ARHGEF37: variants seen among roughly 807,000 people sequenced by gnomAD.
The protein encoded by ARHGEF37 is Rho guanine nucleotide exchange factor 37.
Under a neutral mutation model 71.1 loss-of-function variants are expected in ARHGEF37, and 55 were observed. That is an observed-to-expected ratio of 0.77 (90% CI 0.62 to 0.97). The LOEUF (loss-of-function observed/expected upper bound fraction) is 0.97. Among genes scored for constraint, ARHGEF37 ranks in the 50% least tolerant of loss-of-function variants. ARHGEF37 has a pLI of 0.00. For missense variants in ARHGEF37, 765 were observed against 836.8 expected (o/e 0.91, Z 1.06); for synonymous variants, 327 against 350.6 (o/e 0.93, Z 0.75).
intron 12 of ARHGEF37, among the ~76,000 whole-genome samples, chr5:149,631,747 T>C (rs1752889941): frequency 6.6e-6 from 1 of 152,220 alleles, no homozygotes; most frequent in Admixed American, 6.5e-5. Flanking sequence ...ATAGAATTAT[T>C]GTGAGAACCC....
Position 149,597,956 on chromosome 5 carries a change from G to A in ARHGEF37, c.186+1G>A, listed in dbSNP as rs201027966. The A allele has an allele frequency of 2.9e-4, 462 of 1,579,750 alleles. 5 individuals carry two copies. Among genetic ancestry groups the A allele is most frequent in the Non-Finnish European group, 6.0e-5 (70 of 1,164,022 alleles). ...TGACATCAGGAGCCGCCTCCAGCAG[G>A]TACTTGGGTGGGGTCACACACAACC... On this transcript the variant is annotated splice_donor_variant, in intron 2 of 12. Transcript: ENST00000333677. LOFTEE classifies it high-confidence loss of function.
upstream of ARHGEF37, among the ~76,000 whole-genome samples, chr5:149,579,089 A>T (rs532348436): frequency 1.8e-4 from 28 of 152,344 alleles, no homozygotes; most frequent in African/African-American, 6.3e-4. Context: ...GTTGACACTT[A>T]CGTCTAAAAC....
At chr5:149,592,766 G>C (rs958231989) in intron 1 of ARHGEF37, among the ~76,000 whole-genome samples, 21 of 151,650 alleles carry the variant, frequency 1.4e-4, no homozygotes, top group African/African-American at 5.1e-4. Flanking sequence ...TGGTTTGTTT[G>C]TTTTTGTTTT....
intron 3 of ARHGEF37, among the ~76,000 whole-genome samples, chr5:149,605,025 G>A (rs758044253): frequency 7.9e-5 from 12 of 151,660 alleles, no homozygotes; most frequent in African/African-American, 1.7e-4. Flanking sequence ...TCAGGAGTTC[G>A]AGACCAGCTT....
chr5:149,612,533 A>C (rs1488953747), intron 4 of ARHGEF37, among the ~76,000 whole-genome samples: 1 of 152,240 alleles, frequency 6.6e-6, no homozygotes, highest in Non-Finnish European at 1.5e-5. Flanking sequence ...TGGGATTTAT[A>C]AAAGATAGTG....
intron 1 of ARHGEF37, among the ~76,000 whole-genome samples, chr5:149,573,739 A>C (rs1427062582): frequency 6.6e-6 from 1 of 152,162 alleles, no homozygotes; most frequent in African/African-American, 2.4e-5. Flanking sequence ...GATTCAGTAG[A>C]TTATATATGC....
intron 3 of ARHGEF37, among the ~76,000 whole-genome samples, chr5:149,605,193 C>G (rs1018099476): frequency 6.9e-6 from 1 of 145,018 alleles, no homozygotes; most frequent in South Asian, 2.1e-4. Flanking sequence ...TGCCACTGCA[C>G]TGCAGCCTGG....
At chr5:149,598,761 T>TATATATATATATATATATATAG (rs1554122094) in intron 2 of ARHGEF37, among the ~76,000 whole-genome samples, 1 of 75,794 alleles carries the variant, frequency 1.3e-5, no homozygotes, top group African/African-American at 4.9e-5. Context: ...TATATATAGA[T>TATATATATATATATATATATAG]ATAGATATAG....
chr5:149,629,657 C>A (rs1346540355), intron 12 of ARHGEF37, among the ~76,000 whole-genome samples: 2 of 152,144 alleles, frequency 1.3e-5, no homozygotes, highest in Non-Finnish European at 2.9e-5. Flanking sequence ...GAGAGGTGGG[C>A]AGGGACAGGC....
chr5:149,559,922 A>G (rs951814447), intron 1 of ARHGEF37, among the ~76,000 whole-genome samples: 12 of 152,194 alleles, frequency 7.9e-5, no homozygotes, highest in Admixed American at 2.6e-4. Context: ...GTTTTATGAC[A>G]TAGCTAACAA....
intron 3 of ARHGEF37, chr5:149,606,718 G>A (rs548561261): frequency 7.2e-5 from 11 of 152,256 alleles, no homozygotes; most frequent in East Asian, 1.9e-4. Flanking sequence ...CAACTTTAGC[G>A]TATATGATGC....
upstream of ARHGEF37, among the ~76,000 whole-genome samples, chr5:149,577,200 A>G (rs1763037416): frequency 6.6e-6 from 1 of 152,200 alleles, no homozygotes; most frequent in Admixed American, 6.5e-5. Context: ...TGCAAATAAT[A>G]TCTATCATAG....
rs1228321752 is a variant in ARHGEF37 at position 149,555,003 on chromosome 5, C to T, written c.-12+2880C>T. Among the ~76,000 whole-genome samples the T allele has an allele frequency of 2.6e-5, 4 of 151,804 alleles. No homozygotes were observed. In the East Asian group the frequency reaches 5.8e-4, roughly 22 times the overall value. On this transcript the variant is annotated intron_variant, in intron 1 of 2. Coordinates refer to the ARHGEF37 transcript ENST00000505810. The stretch of plus-strand genomic sequence containing the variant: ...AAAATTAGCCGGGCGTGGTGGCAGG[C>T]GCCTGTAGTCCCAGCTACTCAGGAG...
chr5:149,618,103 C>T lies in ARHGEF37; in HGVS notation c.659-73C>T, dbSNP rs532086071. 3.9e-4 allele frequency: 622 copies of T among 1,587,002 alleles called. 5 individuals carry two copies. In the South Asian group the frequency reaches 6.0e-3, roughly 15 times the overall value. Reference sequence around the variant, plus strand: ...CAGAGGGCCCAAGCAGGTGCCCAGCCGGGCATGTCCGTGACATCCACTTTC... The same window carrying T: ...CAGAGGGCCCAAGCAGGTGCCCAGCTGGGCATGTCCGTGACATCCACTTTC... On this transcript the variant is annotated intron_variant, in intron 5 of 12. Transcript: ENST00000333677.
At chr5:149,578,550 C>T (rs1347055827), upstream of ARHGEF37, among the ~76,000 whole-genome samples, 1 of 152,104 alleles carries the variant, frequency 6.6e-6, no homozygotes, top group Non-Finnish European at 1.5e-5. Context: ...CTACTATGCA[C>T]AAGGCATTAT....
chr5:149,632,145 C>T lies in ARHGEF37; in HGVS notation c.1982C>T (p.Ala661Val), dbSNP rs1424688618. The T allele has an allele frequency of 2.5e-6, 4 of 1,614,118 alleles. No individual in the cohort carries two copies. In the African/African-American group the frequency reaches 4.0e-5, roughly 16 times the overall value. The change falls in exon 13 of 13, where the codon GCC becomes GTC. Residue 661 changes from alanine to valine, a missense_variant. Physicochemically the swap from Ala to Val is moderately conservative, Grantham distance 64 (BLOSUM62 0). Transcript: ENST00000333677. ...GGTTATGTGCCTTCTGGCTTCTTGG[C>T]CAGGGCTCGGAGCCCAGTTCTGTGG... ...QRGYVPSGFL[A>V]RARSPVLWGW...
At chr5:149,561,588 C>T (rs1419835038) in intron 1 of ARHGEF37, among the ~76,000 whole-genome samples, 1 of 152,148 alleles carries the variant, frequency 6.6e-6, no homozygotes, top group Admixed American at 6.5e-5. Context: ...ATCAATGTTC[C>T]ATCTACTCAT....
At chr5:149,599,226 T>TG (rs1190643326) in intron 2 of ARHGEF37, among the ~76,000 whole-genome samples, 1 of 152,112 alleles carries the variant, frequency 6.6e-6, no homozygotes, top group Non-Finnish European at 1.5e-5. Context: ...CAGCAGGGGC[T>TG]GGGGGAGCCA....
At chr5:149,589,856 G>A (rs1763352154) in intron 1 of ARHGEF37, among the ~76,000 whole-genome samples, 1 of 151,508 alleles carries the variant, frequency 6.6e-6, no homozygotes. Context: ...TAATAGAGAT[G>A]GGGTCTCACT....
Sources: gnomAD v4.1 joint callset for allele counts (sites outside exome capture counted in the v4.1 genomes callset) on GRCh38, gnomAD v4.1.1 for gene constraint, MANE v1.5 for transcripts, NCBI Gene and HGNC (gene_info 2026-07-23, HGNC 2026-07-21) for gene names.